Variants in CORO2B observed in about 807,000 individuals in gnomAD.
CORO2B encodes coronin 2B.
In CORO2B, 26 loss-of-function variants were observed where a neutral mutation model predicts 58.8. The observed-to-expected ratio is 0.44, with a 90% confidence interval of 0.32 to 0.61. CORO2B has a LOEUF of 0.61. CORO2B is among the 20% of genes least tolerant of loss of function. The probability of loss-of-function intolerance (pLI) is 0.04; values close to 1 mark genes in which losing one functional copy is unlikely to be tolerated. For synonymous variants in CORO2B, 242 were observed against 253.8 expected (o/e 0.95, Z 0.44); for missense variants, 460 against 645.1 (o/e 0.71, Z 3.11).
intron 2 of CORO2B, among the ~76,000 whole-genome samples, chr15:68,650,760 G>A (rs79551912): frequency 1.3e-5 from 2 of 152,296 alleles, no homozygotes; most frequent in South Asian, 2.1e-4. Flanking sequence ...CTTACAATCA[G>A]TACTTAACGT....
intron 3 of CORO2B, among the ~76,000 whole-genome samples, chr15:68,705,435 TCA>T (rs1567015437): frequency 5.3e-5 from 2 of 37,560 alleles, no homozygotes; most frequent in African/African-American, 1.8e-4. Context: ...AAACTCTATC[TCA>T]AAAAAAAAAA....
At chr15:68,697,635 T>C (rs1164247368) in intron 3 of CORO2B, among the ~76,000 whole-genome samples, 1 of 152,094 alleles carries the variant, frequency 6.6e-6, no homozygotes, top group Non-Finnish European at 1.5e-5. Context: ...CAAGAGCCTA[T>C]AGTGAAGATG....
intron 1 of CORO2B, among the ~76,000 whole-genome samples, chr15:68,626,878 C>T (rs1212036030): frequency 1.3e-5 from 2 of 152,166 alleles, no homozygotes; most frequent in Non-Finnish European, 2.9e-5. Flanking sequence ...GTCAGTTTCC[C>T]TGGAGAAGTC....
At chr15:68,701,631 G>A (rs1892653547) in intron 3 of CORO2B, among the ~76,000 whole-genome samples, 1 of 151,686 alleles carries the variant, frequency 6.6e-6, no homozygotes, top group Non-Finnish European at 1.5e-5. Flanking sequence ...GACTACAGGT[G>A]CGCGCCACCA....
At chr15:68,612,384 G>A (rs762846422) in intron 1 of CORO2B, among the ~76,000 whole-genome samples, 8 of 152,134 alleles carry the variant, frequency 5.3e-5, no homozygotes, top group Non-Finnish European at 7.4e-5. Context: ...GGAGGTGTGC[G>A]TGAGAAGGGG....
intron 1 of CORO2B, among the ~76,000 whole-genome samples, chr15:68,581,651 G>A (rs1240845317): frequency 6.6e-6 from 1 of 152,122 alleles, no homozygotes; most frequent in Non-Finnish European, 1.5e-5. Context: ...CTTCAGTTCT[G>A]GCAAGAAAGT....
At chr15:68,553,752 G>A in the CORO2B span, among the ~76,000 whole-genome samples, 1 of 152,364 alleles carries the variant, frequency 6.6e-6, no homozygotes, top group East Asian at 1.9e-4. Flanking sequence ...ACTGCCCCTG[G>A]TGCGTTTGTG....
the CORO2B span, among the ~76,000 whole-genome samples, chr15:68,565,838 C>T: frequency 1.3e-5 from 2 of 152,260 alleles, no homozygotes; most frequent in African/African-American, 4.8e-5. Flanking sequence ...TCAGCCTTTG[C>T]TGATGGTTCC....
At chr15:68,574,477 A>T (rs1436280831), upstream of CORO2B, among the ~76,000 whole-genome samples, 5 of 152,090 alleles carry the variant, frequency 3.3e-5, no homozygotes, top group Admixed American at 2.6e-4. Context: ...AGCCCTCCTC[A>T]CTCTGTAGAG....
intron 1 of CORO2B, among the ~76,000 whole-genome samples, chr15:68,610,796 G>A (rs1900229707): frequency 6.6e-6 from 1 of 152,164 alleles, no homozygotes; most frequent in African/African-American, 2.4e-5. Context: ...GGCCAGTCCA[G>A]AATATTCACA....
chr15:68,589,939 C>T (rs565166125), intron 1 of CORO2B, among the ~76,000 whole-genome samples: 2 of 152,332 alleles, frequency 1.3e-5, no homozygotes, highest in Non-Finnish European at 2.9e-5. Context: ...ACATGCCTGG[C>T]TGCCCCCCTG....
In CORO2B at chr15:68,645,151, C is replaced by A. The variant is rs745312690; in HGVS notation, c.16-9C>A. ...CAGCCTGACCCTTGTCTCTCCTGGCCCCTCACAGATGTCCTGGCGTCCGCA... is the reference window on the plus strand; with the variant it reads ...CAGCCTGACCCTTGTCTCTCCTGGCACCTCACAGATGTCCTGGCGTCCGCA... On this transcript the variant is annotated splice_polypyrimidine_tract_variant and intron_variant, in intron 1 of 11. Coordinates refer to ENST00000261861, the MANE Select transcript of CORO2B (RefSeq NM_006091.5). This position sits in a 1 kb window ranked among gnomAD's most constrained non-coding sequence, Gnocchi z 4.5. The A allele has an allele frequency of 6.2e-7, 1 of 1,613,460 alleles. No individual in the cohort carries two copies. Among genetic ancestry groups the A allele is most frequent in the African/African-American group, 1.3e-5 (1 of 74,924 alleles).
chr15:68,531,532 G>A, the CORO2B span, among the ~76,000 whole-genome samples: 3 of 131,560 alleles, frequency 2.3e-5, no homozygotes, highest in Non-Finnish European at 4.9e-5. Context: ...AGGAAGGAAG[G>A]AAGGAAGGAA....
At chr15:68,606,306 G>A (rs2140242651) in intron 1 of CORO2B, among the ~76,000 whole-genome samples, 1 of 152,294 alleles carries the variant, frequency 6.6e-6, no homozygotes, top group Admixed American at 6.5e-5. Flanking sequence ...GCTTAGCCAA[G>A]CAAGCATATT....
At chr15:68,688,893 C>A (rs1274764857) in intron 2 of CORO2B, among the ~76,000 whole-genome samples, 2 of 152,182 alleles carry the variant, frequency 1.3e-5, no homozygotes, top group Non-Finnish European at 2.9e-5. Context: ...TGCCCTACTT[C>A]ACACTCCCAC....
intron 11 of CORO2B, among the ~76,000 whole-genome samples, chr15:68,723,116 CTTTTT>C (rs767517372): frequency 7.7e-5 from 7 of 91,466 alleles, no homozygotes; most frequent in South Asian, 5.4e-4. Context: ...TACATACATT[CTTTTT>C]TTTTTTTTTT....
chr15:68,707,944 C>A (rs1892821339), intron 3 of CORO2B, among the ~76,000 whole-genome samples: 1 of 144,532 alleles, frequency 6.9e-6, no homozygotes, highest in Admixed American at 6.8e-5. Flanking sequence ...TCCCCCAATT[C>A]CCCCCCTCCC....
At chr15:68,600,262 G>T (rs372156134) in intron 1 of CORO2B, among the ~76,000 whole-genome samples, 13 of 152,240 alleles carry the variant, frequency 8.5e-5, no homozygotes, top group African/African-American at 2.4e-4. Context: ...GCACTCCTCC[G>T]TGGAGGCCTG....
chr15:68,587,827 A>G (rs1421692463), intron 1 of CORO2B, among the ~76,000 whole-genome samples: 1 of 152,224 alleles, frequency 6.6e-6, no homozygotes, highest in African/African-American at 2.4e-5. Flanking sequence ...GTGTTCCCAC[A>G]GCCAGTCAGG....
Sources: allele counts gnomAD v4.1 joint callset (sites outside exome capture counted in the v4.1 genomes callset), GRCh38; gene constraint gnomAD v4.1.1; non-coding constraint Gnocchi (gnomAD v3.1); transcripts MANE v1.5; gene names NCBI Gene and HGNC (gene_info 2026-07-23, HGNC 2026-07-21).